Variants in SPAM1 observed in about 807,000 individuals in gnomAD.
SPAM1 encodes sperm adhesion molecule 1.
Under a neutral mutation model 29.6 loss-of-function variants are expected in SPAM1, and 22 were observed. That is an observed-to-expected ratio of 0.74 (90% CI 0.53 to 1.06). SPAM1 has a LOEUF of 1.06. Among genes scored for constraint, SPAM1 ranks in the 50% least tolerant of loss-of-function variants. The pLI is 0.00. For synonymous variants in SPAM1, 194 were observed against 204.6 expected (o/e 0.95, Z 0.44); for missense variants, 534 against 604.0 (o/e 0.88, Z 1.21).
chr7:123,963,481 A>G (rs1284473313), downstream of SPAM1, among the ~76,000 whole-genome samples: 1 of 151,966 alleles, frequency 6.6e-6, no homozygotes, highest in East Asian at 1.9e-4. Flanking sequence ...GGAACCAAAG[A>G]TTAGCATTAA....
intron 1 of SPAM1, among the ~76,000 whole-genome samples, chr7:123,940,747 T>G (rs1049175496): frequency 1.3e-5 from 2 of 152,180 alleles, no homozygotes; most frequent in African/African-American, 4.8e-5. Context: ...CCTTCCACGT[T>G]GGCATCTCAA....
downstream of SPAM1, chr7:123,960,109 C>T (rs115411828): frequency 2.6e-4 from 323 of 1,238,506 alleles, no homozygotes; most frequent in African/African-American, 4.2e-3. Flanking sequence ...TAGGAAATGA[C>T]GATTTTCTTT....
rs754186470 is a variant in SPAM1, at chr7:123,954,000, G to C, written c.430G>C (p.Val144Leu). The change falls in exon 3 of 5, where the codon GTT becomes CTT. Residue 144 changes from valine (V) to leucine (L), a missense_variant. Transcript: ENST00000682466. ...GCCAGTAGACAATTTGGGAATGGCT[G>C]TTATTGACTGGGAAGAATGGAGACC... ...YMPVDNLGMAVIDWEEWRPTW... is the reference protein window; with the variant it reads ...YMPVDNLGMALIDWEEWRPTW... The C allele has an allele frequency of 1.2e-6, 2 of 1,613,570 alleles. No individual in the cohort carries two copies. Among genetic ancestry groups the C allele is most frequent in the Non-Finnish European group, 8.5e-7 (1 of 1,179,782 alleles).
In SPAM1 at chr7:123,953,101, C is replaced by T. The variant is rs147911727; in HGVS notation, c.-206-264C>T. On this transcript the variant is annotated intron_variant, in intron 2 of 4. Transcript: ENST00000682466. ...GCATTGCTTGGTACAGCATTCTGTACAACCAGAAAGGCAAAAGGAAAATAG... is the reference window on the plus strand; with the variant it reads ...GCATTGCTTGGTACAGCATTCTGTATAACCAGAAAGGCAAAAGGAAAATAG... Among the ~76,000 whole-genome samples, 11 of 152,082 alleles carry T rather than the reference C, an allele frequency of 7.2e-5. 1 individual carries two copies. The East Asian group carries it at 2.1e-3, about 30-fold the overall frequency.
At chr7:123,945,128 C>T (rs1584953894) in intron 1 of SPAM1, among the ~76,000 whole-genome samples, 1 of 152,108 alleles carries the variant, frequency 6.6e-6, no homozygotes, top group East Asian at 1.9e-4. Context: ...GATTCTTTTG[C>T]ATGTAAAATT....
At chr7:123,937,395 A>T (rs913618652) in intron 1 of SPAM1, among the ~76,000 whole-genome samples, 5 of 151,994 alleles carry the variant, frequency 3.3e-5, no homozygotes, top group South Asian at 2.1e-4. Context: ...AAGTCAGGAG[A>T]TCGAGACCAT....
intron 1 of SPAM1, among the ~76,000 whole-genome samples, chr7:123,938,200 T>G (rs530198421): frequency 6.6e-6 from 1 of 152,098 alleles, no homozygotes; most frequent in Non-Finnish European, 1.5e-5. Flanking sequence ...ACTCCTGGCC[T>G]CAAGTGATTC....
chr7:123,948,392 C>A (rs1037315990), intron 1 of SPAM1, among the ~76,000 whole-genome samples: 1 of 152,082 alleles, frequency 6.6e-6, no homozygotes, highest in African/African-American at 2.4e-5. Context: ...TGGGGCCTAC[C>A]GCTCATGTGG....
At chr7:123,962,134 T>A (rs4260828), downstream of SPAM1, among the ~76,000 whole-genome samples, 49,970 of 151,916 alleles carry the variant, frequency 0.33, 9,448 homozygotes, top group African/African-American at 0.51. Flanking sequence ...CTGGACTAAT[T>A]TACATTCTCA....
chr7:123,933,446 C>A (rs1332300921), intron 1 of SPAM1, among the ~76,000 whole-genome samples: 1 of 152,160 alleles, frequency 6.6e-6, no homozygotes. Flanking sequence ...AGCAAGCTTA[C>A]ATACTTTTAA....
chr7:123,928,649 A>G (rs1234917250), intron 1 of SPAM1, among the ~76,000 whole-genome samples: 3 of 152,190 alleles, frequency 2.0e-5, no homozygotes, highest in Admixed American at 1.3e-4. Context: ...ATCAGTGTCA[A>G]CTGAAAAATC....
chr7:123,966,926 A>T (rs1204520730), intron 5 of SPAM1, among the ~76,000 whole-genome samples: 3 of 152,044 alleles, frequency 2.0e-5, no homozygotes, highest in Non-Finnish European at 4.4e-5. Context: ...AGCAAAAAAA[A>T]TACAATTTTT....
chr7:123,936,454 C>A (rs1191565627), intron 1 of SPAM1, among the ~76,000 whole-genome samples: 1 of 152,114 alleles, frequency 6.6e-6, no homozygotes, highest in Non-Finnish European at 1.5e-5. Context: ...GTACACAGGA[C>A]TTAAAAAACA....
intron 1 of SPAM1, among the ~76,000 whole-genome samples, chr7:123,935,073 G>A (rs1466443128): frequency 1.3e-5 from 2 of 152,072 alleles, no homozygotes; most frequent in Admixed American, 1.3e-4. Context: ...TTGTATACGT[G>A]TATTGAAACA....
intron 1 of SPAM1, among the ~76,000 whole-genome samples, chr7:123,947,029 G>T (rs1443160432): frequency 6.6e-6 from 1 of 152,004 alleles, no homozygotes; most frequent in Non-Finnish European, 1.5e-5. Context: ...GTGGTCTCAA[G>T]ATTTATTTTC....
intron 4 of SPAM1, among the ~76,000 whole-genome samples, 198 bp downstream of exon 4, chr7:123,955,284 G>A (rs867583424): frequency 2.1e-4 from 32 of 152,066 alleles, no homozygotes; most frequent in Middle Eastern, 3.4e-3. Context: ...TTCCAGTGGG[G>A]AAATAGAAAT....
At chr7:123,956,308 C>T (rs1362968833) in intron 4 of SPAM1, among the ~76,000 whole-genome samples, 2 of 151,986 alleles carry the variant, frequency 1.3e-5, no homozygotes, top group African/African-American at 4.8e-5. Flanking sequence ...TGCTATCTTT[C>T]TCAACTTCTG....
At chr7:123,949,082 GA>G (rs1230960908) in intron 1 of SPAM1, among the ~76,000 whole-genome samples, 2 of 147,550 alleles carry the variant, frequency 1.4e-5, no homozygotes, top group South Asian at 2.2e-4. Context: ...AAATTTATTT[GA>G]AAAAAAATTT....
intron 1 of SPAM1, among the ~76,000 whole-genome samples, chr7:123,946,737 C>T (rs188110956): frequency 3.3e-5 from 5 of 152,204 alleles, no homozygotes; most frequent in African/African-American, 1.2e-4. Flanking sequence ...CCTTGATCAG[C>T]CTTCCACTGC....
Sources: allele counts gnomAD v4.1 joint callset (sites outside exome capture counted in the v4.1 genomes callset), GRCh38; gene constraint gnomAD v4.1.1; transcripts MANE v1.5; gene names NCBI Gene and HGNC (gene_info 2026-07-23, HGNC 2026-07-21).